The following CNTN4 variants were observed in gnomAD, a reference collection of about 807,000 sequenced individuals.
CNTN4 encodes the protein contactin-4.
Under a neutral mutation model 122.5 loss-of-function variants are expected in CNTN4, and 77 were observed. The observed-to-expected ratio is 0.63, with a 90% CI of 0.52 to 0.76. The LOEUF (loss-of-function observed/expected upper bound fraction) is 0.76, where lower values mean the gene tolerates loss of function less well. Ranked by LOEUF, CNTN4 falls within the 30% of genes least tolerant of loss-of-function variation. The probability of loss-of-function intolerance (pLI) is 0.00; values close to 1 mark genes in which losing one functional copy is unlikely to be tolerated. For synonymous variants in CNTN4, 512 were observed against 447.0 expected, an observed-to-expected ratio of 1.15 and a Z score of -1.83; for missense variants, 1,256 against 1,259.1, an observed-to-expected ratio of 1.00 and a Z score of 0.04.
At chr3:2,809,229 G>C (rs555816740) in intron 6 of CNTN4, among the ~76,000 whole-genome samples, 1 of 152,178 alleles carries the variant, frequency 6.6e-6, no homozygotes, top group East Asian at 1.9e-4. Context: ...GTCAGGTCAC[G>C]GTTGACTTTA....
chr3:2,119,284 T>C (rs1182959247), intron 2 of CNTN4, among the ~76,000 whole-genome samples: 1 of 152,198 alleles, frequency 6.6e-6, no homozygotes, highest in Non-Finnish European at 1.5e-5. Flanking sequence ...TTGGTGTGTC[T>C]CTTTCTTTCT....
chr3:2,603,807 T>C (rs79522996), intron 4 of CNTN4, among the ~76,000 whole-genome samples: 8,108 of 152,282 alleles, frequency 0.053, 675 homozygotes, highest in African/African-American at 0.18. Context: ...TTCTGCTTAA[T>C]AGCTTTGTGA....
At position 2,709,050 on chromosome 3, in the gene CNTN4, T is replaced by C. The variant is rs186923332; in HGVS notation, c.56-27165T>C. On this transcript the variant is annotated intron_variant, in intron 4 of 24. Transcript: ENST00000418658. This position sits in a 1 kb window ranked among gnomAD's most constrained non-coding sequence, Gnocchi z 5.0. Reference sequence around the variant, plus strand: ...CATGATATATCTCTTCTCAGATATCTCATAGACCATCCCCCCTCTGCTGCC... The same window carrying C: ...CATGATATATCTCTTCTCAGATATCCCATAGACCATCCCCCCTCTGCTGCC... 3.2e-3 allele frequency among the ~76,000 whole-genome samples: 482 copies of C among 152,246 alleles called. 2 individuals carry two copies. The highest frequency in any genetic ancestry group is 0.011 in the African/African-American group (463 of 41,562).
chr3:2,110,449 A>G (rs1264618274), intron 2 of CNTN4: 3 of 146,314 alleles, frequency 2.1e-5, no homozygotes, highest in East Asian at 1.9e-4. Flanking sequence ...CATTGTTTCA[A>G]CATTCTTTGC....
intron 7 of CNTN4, among the ~76,000 whole-genome samples, chr3:2,820,500 G>A (rs2092838303): frequency 6.6e-6 from 1 of 152,028 alleles, no homozygotes; most frequent in Admixed American, 6.6e-5. Flanking sequence ...AGGCATGATT[G>A]ATCGAATCTA....
rs11425675 is a variant in CNTN4, at chr3:2,145,947, G to GTTT, written c.-145+45318_-145+45320dup. ...AATTACTACACTGGAATCATTCTTA[G>GTTT]TTTTTTTTTTTTAAATGAAGTTGGC... On this transcript the variant is annotated intron_variant, in intron 2 of 24. Transcript: ENST00000418658. Among the ~76,000 whole-genome samples, 1,375 of 148,758 alleles carry GTTT rather than the reference G, an allele frequency of 9.2e-3. 10 individuals are homozygous for GTTT. The highest frequency in any genetic ancestry group is 0.012 in the Non-Finnish European group (836 of 67,250).
chr3:2,788,787 C>T (rs935466787), intron 6 of CNTN4, among the ~76,000 whole-genome samples: 18 of 152,158 alleles, frequency 1.2e-4, no homozygotes, highest in Non-Finnish European at 2.2e-4. Context: ...CCTAGCCAGC[C>T]CTGCAACCCT....
At chr3:2,402,917 A>G (rs1331925531) in intron 3 of CNTN4, among the ~76,000 whole-genome samples, 2 of 152,086 alleles carry the variant, frequency 1.3e-5, no homozygotes, top group African/African-American at 4.8e-5. Flanking sequence ...TGAAGAGAGG[A>G]GTGTATTAAC....
intron 8 of CNTN4, among the ~76,000 whole-genome samples, chr3:2,870,854 A>G (rs1405179005): frequency 6.6e-6 from 1 of 152,152 alleles, no homozygotes; most frequent in Non-Finnish European, 1.5e-5. Flanking sequence ...ATGATTTCTT[A>G]TTTGTACCCA....
chr3:2,472,297 A>T (rs968295056), intron 3 of CNTN4, among the ~76,000 whole-genome samples: 1 of 152,022 alleles, frequency 6.6e-6, no homozygotes, highest in Non-Finnish European at 1.5e-5. Context: ...CTGTAGTGCA[A>T]TGGCCCCATC....
At chr3:2,353,024 C>T (rs1045392319) in intron 3 of CNTN4, among the ~76,000 whole-genome samples, 3 of 152,060 alleles carry the variant, frequency 2.0e-5, no homozygotes, top group Non-Finnish European at 4.4e-5. Context: ...AGCACTCTGT[C>T]TAGCTCAAGG....
In CNTN4 at chr3:2,167,408, G is replaced by A. The variant is rs115912151; in HGVS notation, c.-145+66769G>A. Among the ~76,000 whole-genome samples the A allele has an allele frequency of 4.6e-3, 696 of 152,198 alleles. 4 individuals carry two copies. The highest frequency in any genetic ancestry group is 0.016 in the African/African-American group (665 of 41,528). ...ACTTCAAATAATAAATAATTAGATG[G>A]CACATAGGGCTATTTTTACCAAAAA... On this transcript the variant is annotated intron_variant, in intron 2 of 24. Coordinates refer to ENST00000418658, the MANE Select transcript of CNTN4 (RefSeq NM_175607.3).
At chr3:2,632,121 C>G (rs761516078) in intron 4 of CNTN4, among the ~76,000 whole-genome samples, 3 of 150,688 alleles carry the variant, frequency 2.0e-5, no homozygotes, top group Non-Finnish European at 4.4e-5. Context: ...TATATATAAA[C>G]TTTGTTTATG....
intron 7 of CNTN4, among the ~76,000 whole-genome samples, chr3:2,823,498 G>A (rs78903896): frequency 9.5e-4 from 145 of 152,296 alleles, no homozygotes; most frequent in African/African-American, 3.2e-3. Context: ...GAATTCAGAT[G>A]TGATGGTTTT....
intron 4 of CNTN4, among the ~76,000 whole-genome samples, chr3:2,699,753 C>T (rs1026218508): frequency 2.9e-4 from 44 of 152,104 alleles, no homozygotes; most frequent in African/African-American, 1.1e-3. Context: ...TTGAGCAAAC[C>T]TTGGACACTG....
At chr3:2,700,852 G>T (rs973934170) in intron 4 of CNTN4, among the ~76,000 whole-genome samples, 1 of 152,160 alleles carries the variant, frequency 6.6e-6, no homozygotes, top group Non-Finnish European at 1.5e-5. Context: ...AATGCAATAA[G>T]AATTATTTTC....
At chr3:2,248,574 A>C (rs1016362546) in intron 2 of CNTN4, among the ~76,000 whole-genome samples, 1 of 152,028 alleles carries the variant, frequency 6.6e-6, no homozygotes, top group Admixed American at 6.6e-5. Flanking sequence ...GGCCAATAAC[A>C]TTTGTATCCA....
At chr3:2,322,567 C>G (rs1440506131) in intron 2 of CNTN4, among the ~76,000 whole-genome samples, 1 of 151,970 alleles carries the variant, frequency 6.6e-6, no homozygotes, top group Non-Finnish European at 1.5e-5. Context: ...TACAGATTTT[C>G]TATTGGGGAT....
rs183675310 is a variant in CNTN4, at chr3:2,210,748, C to T, written c.-145+110109C>T. Among the ~76,000 whole-genome samples, 35 of 152,270 alleles carry T rather than the reference C, an allele frequency of 2.3e-4. 1 individual carries two copies. Among genetic ancestry groups the T allele is most frequent in the African/African-American group, 5.3e-4 (22 of 41,562 alleles). Reference sequence around the variant, plus strand: ...TCTCCTAGTTGCCCACTTTGTTTCACGGCTTTCTTGACATCTTTTGTCTTT... The same window carrying T: ...TCTCCTAGTTGCCCACTTTGTTTCATGGCTTTCTTGACATCTTTTGTCTTT... On this transcript the variant is annotated intron_variant, in intron 2 of 24. Transcript: ENST00000418658.
Sources: gnomAD v4.1 joint callset for allele counts (sites outside exome capture counted in the v4.1 genomes callset) on GRCh38, gnomAD v4.1.1 for gene constraint, Gnocchi (gnomAD v3.1) non-coding constraint, MANE v1.5 for transcripts, NCBI Gene and HGNC (gene_info 2026-07-23, HGNC 2026-07-21) for gene names.